CNR1: variants seen among roughly 807,000 people sequenced by gnomAD.
The protein encoded by CNR1 is cannabinoid receptor 1.
CNR1 carries 10 observed loss-of-function variants against 23.0 expected under a neutral mutation model. The observed-to-expected ratio is 0.43, with a 90% CI of 0.27 to 0.74. The LOEUF (loss-of-function observed/expected upper bound fraction) is 0.74, where lower values mean the gene tolerates loss of function less well. CNR1 is among the 30% of genes least tolerant of loss of function. CNR1 has a pLI of 0.19. For synonymous variants in CNR1, 271 were observed against 255.2 expected (o/e 1.06, Z -0.59); for missense variants, 422 against 618.8 (o/e 0.68, Z 3.37).
intron 1 of CNR1, among the ~76,000 whole-genome samples, chr6:88,147,284 T>C (rs1374938320): frequency 2.6e-5 from 4 of 152,086 alleles, no homozygotes; most frequent in Admixed American, 6.5e-5. Flanking sequence ...TGCACTCCAG[T>C]CTGGCAACAG....
chr6:88,147,166 T>A lies in CNR1; in HGVS notation c.-63-1829A>T, dbSNP rs575249591. 2.0e-5 allele frequency among the ~76,000 whole-genome samples: 3 copies of A among 152,194 alleles called. No individual in the cohort carries two copies. The East Asian group carries it at 5.8e-4, about 29-fold the overall frequency. ...AAATTTAAAAAAATTTTAAAAAAATTAGCTGGGCATGGTGGCACGCCTGTA... is the reference window on the plus strand; with the variant it reads ...AAATTTAAAAAAATTTTAAAAAAATAAGCTGGGCATGGTGGCACGCCTGTA... On this transcript the variant is annotated intron_variant, in intron 1 of 1. Coordinates refer to ENST00000369501, the MANE Select transcript of CNR1 (RefSeq NM_016083.6).
Position 88,142,834 on chromosome 6 carries a change from A to T in CNR1, c.*1022T>A, listed in dbSNP as rs1323650581. The T allele has an allele frequency of 1.3e-5, 2 of 152,630 alleles. No homozygotes were observed. Among genetic ancestry groups the T allele is most frequent in the African/African-American group, 4.8e-5 (2 of 41,428 alleles). 9.5% of individuals were successfully genotyped at this position (152,630 alleles called of 1,614,324 possible). A position where few individuals can be genotyped will look rare whatever the true frequency, so the allele number is the denominator to read the frequency against. ...TCCAGACACTACTTCTTTTCAATTAAAAAAAATGAAGACTGTTGTTTGGCC... is the reference window on the plus strand; with the variant it reads ...TCCAGACACTACTTCTTTTCAATTATAAAAAATGAAGACTGTTGTTTGGCC... On this transcript the variant is annotated 3_prime_UTR_variant, in exon 2 of 2. Transcript: ENST00000369501.
intron 1 of CNR1, among the ~76,000 whole-genome samples, chr6:88,147,324 G>T (rs1777254875): frequency 6.6e-6 from 1 of 152,096 alleles, no homozygotes; most frequent in South Asian, 2.1e-4. Context: ...AAGAGTCCTT[G>T]CCCGCATGAA....
At chr6:88,146,847 C>A (rs528793600) in intron 1 of CNR1, among the ~76,000 whole-genome samples, 2 of 152,224 alleles carry the variant, frequency 1.3e-5, no homozygotes, top group African/African-American at 4.8e-5. Context: ...AAATGTTGAA[C>A]TAACAATAAA....
At chr6:88,167,048 C>T (rs1300131048), upstream of CNR1, among the ~76,000 whole-genome samples, 2 of 151,870 alleles carry the variant, frequency 1.3e-5, no homozygotes, top group Non-Finnish European at 2.9e-5. Context: ...CAGCGCCCGC[C>T]GCCCTTTCCC....
chr6:88,147,199 C>T (rs1777243571), intron 1 of CNR1, among the ~76,000 whole-genome samples: 1 of 152,192 alleles, frequency 6.6e-6, no homozygotes, highest in Non-Finnish European at 1.5e-5. Flanking sequence ...GTAATCCCTG[C>T]TACTCAGGAG....
upstream of CNR1, among the ~76,000 whole-genome samples, chr6:88,167,311 G>T (rs1188477682): frequency 6.6e-6 from 1 of 152,198 alleles, no homozygotes; most frequent in Non-Finnish European, 1.5e-5. Flanking sequence ...GGAATTAGGG[G>T]ACATGCTCGT....
intron 1 of CNR1, among the ~76,000 whole-genome samples, chr6:88,158,026 T>C (rs1316438289): frequency 2.6e-5 from 4 of 152,250 alleles, no homozygotes; most frequent in Non-Finnish European, 5.9e-5. Flanking sequence ...TAGGTACTTA[T>C]GTATCACCTA....
intron 1 of CNR1, among the ~76,000 whole-genome samples, chr6:88,158,376 A>G (rs1027535974): frequency 6.6e-6 from 1 of 152,226 alleles, no homozygotes; most frequent in Non-Finnish European, 1.5e-5. Context: ...AACATATTGA[A>G]TTAGTAAATA....
chr6:88,157,407 TACA>T (rs960160057), intron 1 of CNR1, among the ~76,000 whole-genome samples: 7 of 152,212 alleles, frequency 4.6e-5, no homozygotes, highest in Non-Finnish European at 8.8e-5. Context: ...CTCCTCCTGC[TACA>T]ACATTTTATG....
chr6:88,143,972 G>GT lies in CNR1; in HGVS notation c.1302dup (p.His435ThrfsTer59). On this transcript the variant is annotated frameshift_variant, in exon 2 of 2. Coordinates refer to ENST00000369501, the MANE Select transcript of CNR1 (RefSeq NM_016083.6). LOFTEE classifies it high-confidence loss of function. ...TGAACACTGGCTGCATTGTTTGCGT[G>GT]TTTGTGCAGGCAGTCCGAGTCCCCC... 2 of 1,614,114 alleles carry GT rather than the reference G, an allele frequency of 1.2e-6. No individual in the cohort carries two copies. Among genetic ancestry groups the GT allele is most frequent in the Non-Finnish European group, 1.7e-6 (2 of 1,180,032 alleles).
At chr6:88,149,314 T>C (rs1344650838) in intron 1 of CNR1, among the ~76,000 whole-genome samples, 1 of 152,212 alleles carries the variant, frequency 6.6e-6, no homozygotes, top group Non-Finnish European at 1.5e-5. Context: ...CTTAGTATCC[T>C]TAGGTTCCCT....
intron 1 of CNR1, 121 bp from the exon 2 acceptor site, chr6:88,145,458 G>C: frequency 1.7e-6 from 1 of 589,694 alleles, no homozygotes; most frequent in Non-Finnish European, 3.0e-6. Context: ...TGAACAGTAG[G>C]AGGTCAAGTT....
At chr6:88,162,373 G>A (rs879360574) in intron 1 of CNR1, among the ~76,000 whole-genome samples, 5 of 152,162 alleles carry the variant, frequency 3.3e-5, no homozygotes, top group African/African-American at 4.8e-5. Context: ...CCAAAATTAC[G>A]CAATATATAC....
chr6:88,158,716 G>A (rs1777930536), intron 1 of CNR1, among the ~76,000 whole-genome samples: 2 of 152,232 alleles, frequency 1.3e-5, no homozygotes, highest in South Asian at 2.1e-4. Flanking sequence ...AATGAGAAGG[G>A]GAAGTAGATT....
chr6:88,145,869 T>C (rs1777153661), intron 1 of CNR1, among the ~76,000 whole-genome samples: 1 of 151,872 alleles, frequency 6.6e-6, no homozygotes, highest in African/African-American at 2.4e-5. Flanking sequence ...AAGTGATGAG[T>C]TGTGTGGTCT....
Position 88,144,849 on chromosome 6 carries a change from G to A in CNR1, c.426C>T (p.Leu142=), listed in dbSNP as rs747177479. 1.2e-6 allele frequency: 2 copies of A among 1,614,190 alleles called. No individual in the cohort carries two copies. Among genetic ancestry groups the A allele is most frequent in the African/African-American group, 1.3e-5 (1 of 75,058 alleles). The change falls in exon 2 of 2, where the codon CTC becomes CTT. Residue 142 remains leucine, a synonymous_variant. Transcript: ENST00000369501. This position sits in a 1 kb window ranked among gnomAD's most constrained non-coding sequence, Gnocchi z 7.8. The part of the protein sequence containing the change: ...LENLLVLCVI[L]HSRSLRCRPS... ...GCCTGCAGCGGAGGCTGCGGGAGTG[G>A]AGGATGACGCACAGCACCAGGAGGT...
chr6:88,167,096 C>G (rs1482971966), upstream of CNR1, among the ~76,000 whole-genome samples: 1 of 151,972 alleles, frequency 6.6e-6, no homozygotes, highest in Non-Finnish European at 1.5e-5. Context: ...CGCCGGTCCC[C>G]GATGCAAACA....
chr6:88,155,903 A>G (rs542682148), intron 1 of CNR1, among the ~76,000 whole-genome samples: 1 of 152,322 alleles, frequency 6.6e-6, no homozygotes, highest in African/African-American at 2.4e-5. Flanking sequence ...TGGTAATGAC[A>G]CTTTCCACAA....
Sources: allele counts gnomAD v4.1 joint callset (sites outside exome capture counted in the v4.1 genomes callset), GRCh38; gene constraint gnomAD v4.1.1; non-coding constraint Gnocchi (gnomAD v3.1); transcripts MANE v1.5; gene names NCBI Gene and HGNC (gene_info 2026-07-23, HGNC 2026-07-21).